WDR7: variants seen among roughly 807,000 people sequenced by gnomAD.
WDR7 encodes the protein WD repeat-containing protein 7.
In WDR7, 46 loss-of-function variants were observed where a neutral mutation model predicts 169.4. That is an observed-to-expected ratio of 0.27 (90% CI 0.21 to 0.35). The LOEUF is 0.35. WDR7 is among the 10% of genes least tolerant of loss of function. The pLI, the probability that WDR7 is intolerant of heterozygous loss-of-function variation, is 1.00. For synonymous variants in WDR7, 612 were observed against 666.8 expected (o/e 0.92, Z 1.27); for missense variants, 1,534 against 1,859.3 (o/e 0.83, Z 3.22).
At chr18:56,866,104 T>C (rs1007601366) in intron 20 of WDR7, among the ~76,000 whole-genome samples, 2 of 152,192 alleles carry the variant, frequency 1.3e-5, no homozygotes, top group Admixed American at 6.5e-5. Flanking sequence ...TCCAGAATGA[T>C]GTTGCCAGGA....
At chr18:56,763,052 C>T (rs1452634808) in intron 16 of WDR7, among the ~76,000 whole-genome samples, 1 of 152,086 alleles carries the variant, frequency 6.6e-6, no homozygotes, top group Non-Finnish European at 1.5e-5. Context: ...GCTCCGCCTC[C>T]TGGGTTCATG....
chr18:56,852,845 C>G (rs907636750), intron 20 of WDR7, among the ~76,000 whole-genome samples: 4 of 152,070 alleles, frequency 2.6e-5, no homozygotes, highest in Non-Finnish European at 5.9e-5. Flanking sequence ...GAACTGATGG[C>G]TCCAACTAAA....
At chr18:56,937,568 C>T (rs931068146) in intron 23 of WDR7, among the ~76,000 whole-genome samples, 1 of 152,086 alleles carries the variant, frequency 6.6e-6, no homozygotes, top group South Asian at 2.1e-4. Context: ...TATTCTTTCT[C>T]CTCTGAACTA....
chr18:56,988,798 G>C (rs562299292), intron 26 of WDR7, among the ~76,000 whole-genome samples: 2 of 152,178 alleles, frequency 1.3e-5, no homozygotes, highest in African/African-American at 4.8e-5. Context: ...GTTTGGTTTA[G>C]GAAATTCTTT....
rs1295575715 is a variant in WDR7, at chr18:57,027,090, G to T, written c.4356G>T (p.Val1452=). 1 of 1,614,180 alleles carries T rather than the reference G, an allele frequency of 6.2e-7. No homozygotes were observed. The highest frequency in any genetic ancestry group is 8.5e-7 in the Non-Finnish European group (1 of 1,180,036). ...TTAAAACCTACCAGGTGCCCCCTGT[G>T]CAGCCCGCGTCCCCCGGCTCCCACA... ...RCIKTYQVPP[V]QPASPGSHNA... The change falls in exon 28 of 28, where the codon GTG becomes GTT. Residue 1452 remains valine (V), a synonymous_variant. Transcript: ENST00000254442.
chr18:56,878,491 C>T (rs2046060040), intron 20 of WDR7, among the ~76,000 whole-genome samples: 1 of 151,926 alleles, frequency 6.6e-6, no homozygotes, highest in Non-Finnish European at 1.5e-5. Flanking sequence ...AGTAGATGCC[C>T]AATAAATATT....
chr18:56,689,864 C>T (rs1364669212), intron 7 of WDR7, among the ~76,000 whole-genome samples: 1 of 138,694 alleles, frequency 7.2e-6, no homozygotes, highest in Non-Finnish European at 1.7e-5. Flanking sequence ...GTTTCCCTTC[C>T]TTACTCTTTC....
At chr18:56,716,173 C>G (rs946553907) in intron 12 of WDR7, among the ~76,000 whole-genome samples, 36 of 152,086 alleles carry the variant, frequency 2.4e-4, no homozygotes, top group Non-Finnish European at 5.0e-4. Context: ...TCAGAATCAA[C>G]TACCCCTCAG....
chr18:56,655,080 T>G (rs1194497245), intron 1 of WDR7, among the ~76,000 whole-genome samples: 1 of 152,256 alleles, frequency 6.6e-6, no homozygotes, highest in Non-Finnish European at 1.5e-5. Flanking sequence ...CTCTTCCCAT[T>G]TATTTTGTTT....
intron 21 of WDR7, among the ~76,000 whole-genome samples, chr18:56,914,970 T>G (rs1332930543): frequency 6.6e-6 from 1 of 152,206 alleles, no homozygotes; most frequent in Admixed American, 6.5e-5. Flanking sequence ...CTCTTCTGAT[T>G]ATAGGACAGG....
intron 13 of WDR7, among the ~76,000 whole-genome samples, chr18:56,719,851 A>C (rs887932391): frequency 6.6e-6 from 1 of 152,222 alleles, no homozygotes; most frequent in East Asian, 1.9e-4. Flanking sequence ...AATATTTTCT[A>C]TCTTAAAGCA....
chr18:56,815,764 T>C (rs375439873), intron 19 of WDR7, among the ~76,000 whole-genome samples: 17 of 152,160 alleles, frequency 1.1e-4, no homozygotes, highest in Non-Finnish European at 2.2e-4. Flanking sequence ...GAGTAAAAAA[T>C]GTAATACTTC....
At chr18:56,925,244 G>C (rs2046788750) in intron 22 of WDR7, among the ~76,000 whole-genome samples, 2 of 152,140 alleles carry the variant, frequency 1.3e-5, no homozygotes, top group Non-Finnish European at 2.9e-5. Flanking sequence ...AAACATTTGT[G>C]CATAAGTATT....
At chr18:56,929,635 C>T (rs966503206) in intron 22 of WDR7, among the ~76,000 whole-genome samples, 5 of 152,264 alleles carry the variant, frequency 3.3e-5, no homozygotes, top group Non-Finnish European at 5.9e-5. Context: ...CTGTACCATA[C>T]GGCTATGCCA....
At chr18:56,988,840 TA>T (rs990567103) in intron 26 of WDR7, among the ~76,000 whole-genome samples, 1 of 152,180 alleles carries the variant, frequency 6.6e-6, no homozygotes, top group African/African-American at 2.4e-5. Flanking sequence ...CAGTTAATAA[TA>T]GACCAAGGGA....
rs1269216573 is a variant in WDR7, at chr18:56,883,491, TCA to T, written c.3526+3327_3526+3328del. Among the ~76,000 whole-genome samples the T allele has an allele frequency of 5.9e-5, 9 of 151,950 alleles. No individual in the cohort carries two copies. The Middle Eastern group carries it at 0.01, about 172-fold the overall frequency. The stretch of plus-strand genomic sequence containing the variant: ...TTTTTTTAAAAGTCCATTTAATCTC[TCA>T]GTCTTGTTTTTTTGTTTTTTTTTTT... On this transcript the variant is annotated intron_variant, in intron 21 of 27. Transcript: ENST00000254442.
downstream of WDR7, chr18:57,031,360 G>T (rs1297942725): frequency 6.6e-6 from 1 of 152,074 alleles, no homozygotes; most frequent in Non-Finnish European, 1.5e-5. Flanking sequence ...TAGGAAGATG[G>T]TAAACAATTC....
At chr18:56,968,348 A>G (rs1365117583) in intron 26 of WDR7, among the ~76,000 whole-genome samples, 24 of 152,200 alleles carry the variant, frequency 1.6e-4, no homozygotes. Context: ...ATAATATGAC[A>G]TGGTAAACCA....
chr18:56,869,651 A>G (rs532222994), intron 20 of WDR7, among the ~76,000 whole-genome samples: 1 of 152,334 alleles, frequency 6.6e-6, no homozygotes, highest in African/African-American at 2.4e-5. Context: ...GTAAATGTGG[A>G]AGTGCCCTAT....
Sources: allele counts gnomAD v4.1 joint callset (sites outside exome capture counted in the v4.1 genomes callset), GRCh38; gene constraint gnomAD v4.1.1; transcripts MANE v1.5; gene names NCBI Gene and HGNC (gene_info 2026-07-23, HGNC 2026-07-21).